Variants in IFNG-AS1 observed in about 807,000 individuals in gnomAD.
The protein encoded by IFNG-AS1 is IFNG regulatory antisense RNA 1, also known as IFNG antisense RNA 1 (non-protein coding).
At chr12:67,999,105 T>C (rs966928336) in intron 2 of IFNG-AS1, among the ~76,000 whole-genome samples, 2 of 152,084 alleles carry the variant, frequency 1.3e-5, no homozygotes, top group African/African-American at 4.8e-5. Context: ...AGATAGATGA[T>C]AGATAATAGA....
chr12:67,994,789 A>G (rs1879596623), intron 1 of IFNG-AS1, among the ~76,000 whole-genome samples: 1 of 152,220 alleles, frequency 6.6e-6, no homozygotes, highest in Admixed American at 6.5e-5. Flanking sequence ...AAGTGATGAA[A>G]GTGATCCACC....
At chr12:68,005,429 C>T (rs1308652239) in intron 2 of IFNG-AS1, among the ~76,000 whole-genome samples, 1 of 152,180 alleles carries the variant, frequency 6.6e-6, no homozygotes, top group African/African-American at 2.4e-5. Context: ...GCCATTCTCC[C>T]CTTACACCCA....
Position 68,004,839 on chromosome 12 carries a change from CT to C in IFNG-AS1, n.185-1250del, listed in dbSNP as rs368522342. Among the ~76,000 whole-genome samples, 329 of 152,296 alleles carry C rather than the reference CT, an allele frequency of 2.2e-3. 2 individuals are homozygous for C. The highest frequency in any genetic ancestry group is 7.3e-3 in the African/African-American group (302 of 41,566). Reference sequence around the variant, plus strand: ...TGATGGGGAAAAATTGGACTCTTCTCTGGACTTTTCTTAGCGGGATGCATAT... The same window carrying C: ...TGATGGGGAAAAATTGGACTCTTCTCGGACTTTTCTTAGCGGGATGCATAT... On this transcript the variant is annotated intron_variant and non_coding_transcript_variant, in intron 2 of 5. Transcript: ENST00000536914.
At chr12:68,006,598 C>T (rs969633907) in intron 3 of IFNG-AS1, among the ~76,000 whole-genome samples, 2 of 152,092 alleles carry the variant, frequency 1.3e-5, no homozygotes, top group African/African-American at 4.8e-5. Context: ...AGGGATTTGG[C>T]AAATATAATT....
chr12:68,016,479 T>A (rs1419126192), intron 3 of IFNG-AS1, among the ~76,000 whole-genome samples: 1 of 152,194 alleles, frequency 6.6e-6, no homozygotes, highest in East Asian at 1.9e-4. Flanking sequence ...GGTGTCGCTA[T>A]GTTCGAGGTG....
At chr12:67,997,915 A>C (rs1342700298) in intron 2 of IFNG-AS1, among the ~76,000 whole-genome samples, 1 of 152,092 alleles carries the variant, frequency 6.6e-6, no homozygotes, top group East Asian at 1.9e-4. Flanking sequence ...TATCATTCAT[A>C]ACTAGTGAAA....
chr12:67,999,527 C>G (rs1459879760), intron 2 of IFNG-AS1, among the ~76,000 whole-genome samples: 1 of 151,944 alleles, frequency 6.6e-6, no homozygotes, highest in Non-Finnish European at 1.5e-5. Flanking sequence ...GAAGGGGCCC[C>G]CAGTGGTCAA....
At chr12:67,993,727 G>A (rs2120412833) in intron 1 of IFNG-AS1, among the ~76,000 whole-genome samples, 1 of 152,196 alleles carries the variant, frequency 6.6e-6, no homozygotes, top group East Asian at 1.9e-4. Flanking sequence ...ATGTAACAAA[G>A]TTCTAAGAAG....
intron 3 of IFNG-AS1, chr12:68,013,750 AG>A (rs1352682941): frequency 1.3e-5 from 2 of 152,210 alleles, no homozygotes; most frequent in Non-Finnish European, 2.9e-5. Context: ...TCAGAACCAA[AG>A]GTTGACTGTC....
At chr12:67,996,930 G>T (rs1032374504) in intron 2 of IFNG-AS1, among the ~76,000 whole-genome samples, 3 of 151,926 alleles carry the variant, frequency 2.0e-5, no homozygotes, top group Non-Finnish European at 4.4e-5. Context: ...TGTATTTCTG[G>T]TTCAAGTTAA....
chr12:68,001,952 CTT>C (rs1879779248), intron 2 of IFNG-AS1, among the ~76,000 whole-genome samples: 1 of 152,172 alleles, frequency 6.6e-6, no homozygotes, highest in Non-Finnish European at 1.5e-5. Flanking sequence ...GAAAAGCTAT[CTT>C]TTAAAAATCC....
intron 3 of IFNG-AS1, among the ~76,000 whole-genome samples, chr12:68,018,787 T>TATA (rs5798890): frequency 0.021 from 3,046 of 145,656 alleles, 39 homozygotes; most frequent in Non-Finnish European, 0.031. Context: ...TATATATATA[T>TATA]TTTTTTTTAT....
chr12:67,994,034 C>A (rs1173675190), intron 1 of IFNG-AS1, among the ~76,000 whole-genome samples: 1 of 152,130 alleles, frequency 6.6e-6, no homozygotes, highest in African/African-American at 2.4e-5. Flanking sequence ...CCATCATGTT[C>A]CCCCCAAAAC....
chr12:68,008,165 C>T (rs1162104205), intron 3 of IFNG-AS1, among the ~76,000 whole-genome samples: 1 of 152,054 alleles, frequency 6.6e-6, no homozygotes, highest in Non-Finnish European at 1.5e-5. Flanking sequence ...GCCTGTAATC[C>T]CAGCACTTTG....
At chr12:67,998,692 C>A (rs1879698330) in intron 2 of IFNG-AS1, among the ~76,000 whole-genome samples, 1 of 151,876 alleles carries the variant, frequency 6.6e-6, no homozygotes, top group Non-Finnish European at 1.5e-5. Context: ...TCAATACAAA[C>A]AATAACAAAT....
intron 3 of IFNG-AS1, among the ~76,000 whole-genome samples, chr12:68,011,535 A>T (rs1213534314): frequency 6.6e-6 from 1 of 152,204 alleles, no homozygotes; most frequent in Non-Finnish European, 1.5e-5. Context: ...GGACCATGGA[A>T]CTGATCTTGA....
intron 3 of IFNG-AS1, among the ~76,000 whole-genome samples, chr12:68,010,653 C>T (rs781378094): frequency 6.6e-6 from 1 of 152,148 alleles, no homozygotes; most frequent in Non-Finnish European, 1.5e-5. Context: ...TAGAGCCTGG[C>T]TCCCCATGTG....
chr12:68,011,544 G>T (rs1214210699), intron 3 of IFNG-AS1, among the ~76,000 whole-genome samples: 1 of 152,166 alleles, frequency 6.6e-6, no homozygotes, highest in East Asian at 1.9e-4. Flanking sequence ...AACTGATCTT[G>T]AGATGATGTT....
intron 2 of IFNG-AS1, among the ~76,000 whole-genome samples, chr12:68,001,232 T>C (rs778640079): frequency 1.1e-4 from 17 of 152,362 alleles, no homozygotes; most frequent in Admixed American, 6.5e-4. Context: ...ACATACTTGT[T>C]ACTGAACCAA....
Sources: allele counts gnomAD v4.1 joint callset (sites outside exome capture counted in the v4.1 genomes callset), GRCh38; gene constraint gnomAD v4.1.1; transcripts MANE v1.5; gene names NCBI Gene and HGNC (gene_info 2026-07-23, HGNC 2026-07-21).